UBA2: variants seen among roughly 807,000 people sequenced by gnomAD.
UBA2 encodes SUMO-activating enzyme subunit 2.
In UBA2, 11 loss-of-function variants were observed where a neutral mutation model predicts 77.2. The ratio of observed to expected loss-of-function variants is 0.14; its 90% CI spans 0.09 to 0.24. UBA2 has a LOEUF of 0.24. Ranked by LOEUF, UBA2 falls within the 10% of genes least tolerant of loss-of-function variation. The pLI is 1.00. For missense variants in UBA2, 487 were observed against 781.7 expected, an observed-to-expected ratio of 0.62 and a Z score of 4.50; for synonymous variants, 278 against 276.7, an observed-to-expected ratio of 1.00 and a Z score of -0.05.
At chr19:34,433,476 C>T (rs1415843209) in intron 4 of UBA2, 64 bp downstream of exon 4, 4 of 1,126,920 alleles carry the variant, frequency 3.5e-6, no homozygotes, top group Non-Finnish European at 5.3e-6. Flanking sequence ...AATTTGTTTA[C>T]AAATTTAATA....
At chr19:34,442,360 C>G (rs995673783) in intron 6 of UBA2, among the ~76,000 whole-genome samples, 2 of 152,172 alleles carry the variant, frequency 1.3e-5, no homozygotes, top group African/African-American at 4.8e-5. Context: ...AGTATAAGAC[C>G]ATAGTAAGCT....
intron 16 of UBA2, 115 bp downstream of exon 16, chr19:34,467,129 G>T (rs1388844082): frequency 8.0e-7 from 1 of 1,254,446 alleles, no homozygotes; most frequent in Non-Finnish European, 1.1e-6. Context: ...GTGTGTATTG[G>T]TTTGGTATTG....
rs923566105 is a variant in UBA2 at position 34,470,258 on chromosome 19, C to T, written c.*1037C>T. The T allele has an allele frequency of 1.3e-5, 2 of 151,900 alleles. No homozygotes were observed. The highest frequency in any genetic ancestry group is 4.2e-4 in the South Asian group (2 of 4,800). The allele number at this position is 151,900 out of a possible 1,614,324, so 9.4% of individuals were successfully genotyped here. A position where few individuals can be genotyped will look rare whatever the true frequency, so the allele number is the denominator to read the frequency against. ...CAGGGCGATGAGTGAAACTCCATCT[C>T]AAAAAAGGTTCAGAAGATCTCCACT... On this transcript the variant is annotated 3_prime_UTR_variant, in exon 17 of 17. Transcript: ENST00000246548.
intron 1 of UBA2, 159 bp downstream of exon 1, chr19:34,428,729 G>A: frequency 8.7e-7 from 1 of 1,147,664 alleles, no homozygotes; most frequent in Non-Finnish European, 1.1e-6. Context: ...TGCCCCCCCC[G>A]CGGGAGGAGA....
chr19:34,444,278 G>A (rs1228149595), intron 7 of UBA2, among the ~76,000 whole-genome samples: 1 of 151,776 alleles, frequency 6.6e-6, no homozygotes, highest in African/African-American at 2.4e-5. Flanking sequence ...GGCTGGTCTC[G>A]AACTCTTGAC....
At chr19:34,445,251 C>A in intron 8 of UBA2, 130 bp downstream of exon 8, 1 of 888,362 alleles carries the variant, frequency 1.1e-6, no homozygotes, top group Non-Finnish European at 1.6e-6. Flanking sequence ...TTGTGATGTC[C>A]TAATAAAATG....
At chr19:34,432,568 T>C (rs542377493) in intron 3 of UBA2, among the ~76,000 whole-genome samples, 1 of 141,168 alleles carries the variant, frequency 7.1e-6, no homozygotes, top group Admixed American at 7.5e-5. Context: ...GTGTTTTTTT[T>C]GTGTGTGAGA....
chr19:34,445,895 C>T (rs2075424618), intron 8 of UBA2, among the ~76,000 whole-genome samples: 2 of 152,158 alleles, frequency 1.3e-5, no homozygotes, highest in Non-Finnish European at 2.9e-5. Context: ...CTAGAGAAAT[C>T]TGTGAAATTG....
At chr19:34,442,865 C>G (rs1191871373) in intron 6 of UBA2, among the ~76,000 whole-genome samples, 1 of 152,194 alleles carries the variant, frequency 6.6e-6, no homozygotes, top group Non-Finnish European at 1.5e-5. Context: ...GAAGTGTTAA[C>G]ATGCCATTGT....
At chr19:34,452,912 G>A (rs1437930273) in intron 10 of UBA2, among the ~76,000 whole-genome samples, 4 of 152,168 alleles carry the variant, frequency 2.6e-5, no homozygotes, top group Admixed American at 2.6e-4. Flanking sequence ...ATAAACATTA[G>A]TCTCTTGGGT....
At chr19:34,428,839 G>T (rs2075218715) in intron 1 of UBA2, 1 of 1,127,272 alleles carries the variant, frequency 8.9e-7, no homozygotes, top group Non-Finnish European at 1.1e-6. Flanking sequence ...AATGTGTGGC[G>T]CTTCGTGGGC....
chr19:34,464,203 G>C (rs1273522132), intron 15 of UBA2, 72 bp downstream of exon 15: 1 of 1,082,482 alleles, frequency 9.2e-7, no homozygotes, highest in East Asian at 2.6e-5. Flanking sequence ...TGAAGGAAAA[G>C]TGTTTTCTTA....
chr19:34,434,672 T>C (rs368314356), intron 4 of UBA2, among the ~76,000 whole-genome samples, 196 bp from the exon 5 acceptor site: 7 of 152,212 alleles, frequency 4.6e-5, no homozygotes, highest in East Asian at 1.9e-4. Flanking sequence ...ATTTGTGATA[T>C]AAATTCTATT....
chr19:34,462,125 C>T (rs2075637948), intron 14 of UBA2, among the ~76,000 whole-genome samples: 2 of 152,138 alleles, frequency 1.3e-5, no homozygotes, highest in African/African-American at 4.8e-5. Flanking sequence ...TGTCTTCCTC[C>T]TCTCCCTTGA....
rs140746726 is a variant in UBA2 at position 34,449,501 on chromosome 19, G to T, written c.772-764G>T. Reference sequence around the variant, plus strand: ...GATTAAGTATATTTTGATAGAAATGGCTGTGATTTTTAAATATAGCCAAAT... The same window carrying T: ...GATTAAGTATATTTTGATAGAAATGTCTGTGATTTTTAAATATAGCCAAAT... On this transcript the variant is annotated intron_variant, in intron 8 of 16. Coordinates refer to ENST00000246548, the MANE Select transcript of UBA2 (RefSeq NM_005499.3). Among the ~76,000 whole-genome samples, 491 of 152,252 alleles carry T rather than the reference G, an allele frequency of 3.2e-3. 4 individuals are homozygous for T. The highest frequency in any genetic ancestry group is 0.011 in the African/African-American group (472 of 41,544).
At chr19:34,454,580 T>TAAAA in intron 12 of UBA2, 24 bp downstream of exon 12, 1 of 1,167,714 alleles carries the variant, frequency 8.6e-7, no homozygotes, top group Non-Finnish European at 1.2e-6. Context: ...TTTGCATTTT[T>TAAAA]ATGCAACCCC....
rs150358207 is a variant in UBA2, at chr19:34,429,126, A to AGG, written c.138+558_138+559dup. ...TGCTTTATTTTTAACAGATGAGGAAAGGGAGACGCAATGGGGTTGAGTAAC... is the reference window on the plus strand; with the variant it reads ...TGCTTTATTTTTAACAGATGAGGAAAGGGGGAGACGCAATGGGGTTGAGTAAC... On this transcript the variant is annotated intron_variant, in intron 1 of 16. Transcript: ENST00000246548. 2,413 of 983,254 alleles carry AGG rather than the reference A, an allele frequency of 2.5e-3. 33 individuals carry two copies. The African/African-American group carries it at 0.035, about 14-fold the overall frequency. The allele number at this position is 983,254 out of a possible 1,614,324, so 60.9% of individuals were successfully genotyped here. A position where few individuals can be genotyped will look rare whatever the true frequency, so the allele number is the denominator to read the frequency against.
intron 1 of UBA2, 122 bp downstream of exon 1, chr19:34,428,692 CG>C: frequency 8.3e-7 from 1 of 1,199,792 alleles, no homozygotes; most frequent in Non-Finnish European, 1.0e-6. Context: ...AGTTGCGGAG[CG>C]GGGGCAGGCT....
In UBA2 at chr19:34,431,570, A is replaced by T. The variant is rs369582790; in HGVS notation, c.223-291A>T. Among the ~76,000 whole-genome samples, 3 of 152,282 alleles carry T rather than the reference A, an allele frequency of 2.0e-5. No homozygotes were observed. In the East Asian group the frequency reaches 5.8e-4, roughly 29 times the overall value. On this transcript the variant is annotated intron_variant, in intron 2 of 16. Coordinates refer to ENST00000246548, the MANE Select transcript of UBA2 (RefSeq NM_005499.3). ...AAATACTTGTTAAGTGAATGAATGA[A>T]TGACACTTGGTTACTTCATGTTGTA...
Sources: gnomAD v4.1 joint callset for allele counts (sites outside exome capture counted in the v4.1 genomes callset) on GRCh38, gnomAD v4.1.1 for gene constraint, MANE v1.5 for transcripts, NCBI Gene and HGNC (gene_info 2026-07-23, HGNC 2026-07-21) for gene names.